The following DNAJC6 variants were observed in gnomAD, a reference collection of about 807,000 sequenced individuals.
DNAJC6 encodes the protein auxilin.
DNAJC6 carries 34 observed loss-of-function variants against 110.0 expected under a neutral mutation model. The ratio of observed to expected loss-of-function variants is 0.31; its 90% CI spans 0.24 to 0.41. The LOEUF (loss-of-function observed/expected upper bound fraction) is 0.41, where lower values mean the gene tolerates loss of function less well. Among genes scored for constraint, DNAJC6 ranks in the 10% least tolerant of loss-of-function variants. The probability of loss-of-function intolerance (pLI) is 1.00; values close to 1 mark genes in which losing one functional copy is unlikely to be tolerated. For missense variants in DNAJC6, 1,031 were observed against 1,207.8 expected, an observed-to-expected ratio of 0.85 and a Z score of 2.17; for synonymous variants, 406 against 437.2, an observed-to-expected ratio of 0.93 and a Z score of 0.89.
In DNAJC6 at chr1:65,328,735, C is replaced by T. The variant is rs17127511; in HGVS notation, c.193+18797C>T. On this transcript the variant is annotated intron_variant, in intron 1 of 18. Coordinates refer to ENST00000371069, the MANE Select transcript of DNAJC6 (RefSeq NM_001256864.2). The stretch of plus-strand genomic sequence containing the variant: ...TGCATCTGAGGCCATAATGGTGGAA[C>T]CTTAGAGTTGGGAAGGACTTAGCAG... Among the ~76,000 whole-genome samples, 541 of 152,236 alleles carry T rather than the reference C, an allele frequency of 3.6e-3. 4 individuals carry two copies. The highest frequency in any genetic ancestry group is 0.012 in the African/African-American group (514 of 41,536).
intron 1 of DNAJC6, among the ~76,000 whole-genome samples, chr1:65,345,016 C>T (rs945754218): frequency 1.3e-5 from 2 of 152,164 alleles, no homozygotes; most frequent in Non-Finnish European, 2.9e-5. Flanking sequence ...CCACCTCCAC[C>T]TCAAGTTGCC....
chr1:65,408,680 C>G lies in DNAJC6; in HGVS notation c.2531C>G (p.Ser844Cys), dbSNP rs947409137. Reference sequence around the variant, plus strand: ...GCAGCTGATTTTGAAGACCTACTCTCTGGTCAAGGTTTCAATGCTCACAAA... The same window carrying G: ...GCAGCTGATTTTGAAGACCTACTCTGTGGTCAAGGTTTCAATGCTCACAAA... ...QKAADFEDLLSGQGFNAHKDK... is the reference protein window; with the variant it reads ...QKAADFEDLLCGQGFNAHKDK... Residue 844 changes from serine to cysteine, a missense_variant, in exon 17 of 19, where the codon TCT (serine) becomes TGT (cysteine). Physicochemically the swap from Ser to Cys is moderately radical, Grantham distance 112. Transcript: ENST00000371069. 6.2e-7 allele frequency: 1 copy of G among 1,613,968 alleles called. No individual in the cohort carries two copies. Among genetic ancestry groups the G allele is most frequent in the African/African-American group, 1.3e-5 (1 of 75,022 alleles).
chr1:65,410,479 A>G (rs910178965), intron 17 of DNAJC6, among the ~76,000 whole-genome samples: 5 of 152,160 alleles, frequency 3.3e-5, no homozygotes, highest in African/African-American at 1.2e-4. Context: ...AAAGCTGTTT[A>G]TTTCATTTAA....
At chr1:65,267,536 A>G (rs750544374) in intron 1 of DNAJC6, among the ~76,000 whole-genome samples, 3 of 152,134 alleles carry the variant, frequency 2.0e-5, no homozygotes, top group Non-Finnish European at 2.9e-5. Context: ...ATGTGGGTAT[A>G]AGCCGTATTC....
At chr1:65,404,494 G>C (rs1646057145) in intron 15 of DNAJC6, among the ~76,000 whole-genome samples, 1 of 152,190 alleles carries the variant, frequency 6.6e-6, no homozygotes, top group South Asian at 2.1e-4. Flanking sequence ...TTAGTGCCCA[G>C]CATAGTACAT....
At chr1:65,349,730 A>ATTTTCTTTTTCT (rs71056102) in intron 1 of DNAJC6, among the ~76,000 whole-genome samples, 4 of 150,570 alleles carry the variant, frequency 2.7e-5, no homozygotes, top group African/African-American at 9.8e-5. Context: ...AGCTACTAAG[A>ATTTTCTTTTTCT]TTTTCTTTTT....
rs528656788 is a variant in DNAJC6, at chr1:65,309,817, T to C, written c.72T>C (p.Ser24=). The C allele has an allele frequency of 6.5e-6, 10 of 1,549,632 alleles. No individual in the cohort carries two copies. The African/African-American group carries it at 1.4e-4, about 21-fold the overall frequency. ...DGYESLQLVD[S]NGDLSAGSGG... ...ATGAATCTTTGCAGCTGGTGGACAG[T>C]AACGGGGACTTAAGTGCGGGAAGCG... The change falls in exon 1 of 19, where the codon AGT becomes AGC. Residue 24 remains serine, a synonymous_variant. Coordinates refer to ENST00000371069, the MANE Select transcript of DNAJC6 (RefSeq NM_001256864.2).
At position 65,385,880 on chromosome 1, in the gene DNAJC6, G is replaced by T; in HGVS notation, c.969G>T (p.Ser323=). 2 of 1,608,994 alleles carry T rather than the reference G, an allele frequency of 1.2e-6. No homozygotes were observed. Among genetic ancestry groups the T allele is most frequent in the South Asian group, 2.2e-5 (2 of 90,518 alleles). Residue 323 remains serine (S), a synonymous_variant, in exon 7 of 19, where the codon TCG becomes TCT. Transcript: ENST00000371069. ...DVLIGETKIY[S]TCTDFERMKE... ...TCATTGGAGAAACCAAAATATATTC[G>T]ACTTGCACAGATTTTGAACGAATGA...
At chr1:65,343,861 C>A (rs541550571) in intron 1 of DNAJC6, among the ~76,000 whole-genome samples, 24 of 152,244 alleles carry the variant, frequency 1.6e-4, no homozygotes, top group African/African-American at 5.8e-4. Context: ...GCCATTACAT[C>A]TCAGACGGCA....
chr1:65,377,574 G>A (rs115142118), intron 4 of DNAJC6, among the ~76,000 whole-genome samples: 1,638 of 152,252 alleles, frequency 0.011, 22 homozygotes, highest in African/African-American at 0.038. Flanking sequence ...TCTCCTAAAG[G>A]TATATGAAAG....
intron 4 of DNAJC6, among the ~76,000 whole-genome samples, chr1:65,371,489 T>A (rs1030138131): frequency 1.3e-5 from 2 of 152,174 alleles, no homozygotes; most frequent in African/African-American, 4.8e-5. Flanking sequence ...ACATTGGTAA[T>A]AATAAAATGC....
chr1:65,403,505 A>G (rs1646047876), intron 15 of DNAJC6, among the ~76,000 whole-genome samples: 1 of 152,232 alleles, frequency 6.6e-6, no homozygotes, highest in Non-Finnish European at 1.5e-5. Flanking sequence ...TCAGGATGTA[A>G]TAAAGAATCA....
At chr1:65,386,980 G>A (rs1341280478) in intron 8 of DNAJC6, 51 bp downstream of exon 8, 1 of 1,417,124 alleles carries the variant, frequency 7.1e-7, no homozygotes, top group Non-Finnish European at 1.0e-6. Flanking sequence ...TCTTCAATAG[G>A]AGTATTTCTG....
chr1:65,284,463 C>T (rs1189346997), intron 1 of DNAJC6, among the ~76,000 whole-genome samples: 1 of 152,158 alleles, frequency 6.6e-6, no homozygotes, highest in Non-Finnish European at 1.5e-5. Flanking sequence ...CTTAATGGAA[C>T]ACCCACACCT....
At chr1:65,380,943 C>T (rs1157286834) in intron 5 of DNAJC6, among the ~76,000 whole-genome samples, 27 of 88,484 alleles carry the variant, frequency 3.1e-4, no homozygotes, top group African/African-American at 8.4e-4. Context: ...TTTTTGGGAC[C>T]GAGTCTTGCT....
intron 1 of DNAJC6, among the ~76,000 whole-genome samples, chr1:65,292,003 GT>G (rs1253878235): frequency 6.6e-6 from 1 of 151,708 alleles, no homozygotes; most frequent in African/African-American, 2.4e-5. Flanking sequence ...CTTTACAAAT[GT>G]TTTTATTTTT....
In DNAJC6 at chr1:65,411,412, G is replaced by A. The variant is rs762930364; in HGVS notation, c.2797G>A (p.Val933Met). 2 of 1,613,818 alleles carry A rather than the reference G, an allele frequency of 1.2e-6. No individual in the cohort carries two copies. Among genetic ancestry groups the A allele is most frequent in the Middle Eastern group, 1.6e-4 (1 of 6,062 alleles). Residue 933 changes from valine to methionine, a missense_variant, in exon 18 of 19, where the codon GTG becomes ATG. Physicochemically the swap from Val to Met is conservative, Grantham distance 21. Transcript: ENST00000371069. Reference protein sequence around the residue: ...KKVYRKAVLVVHPDKATGQPY... With the variant: ...KKVYRKAVLVMHPDKATGQPY... ...GGTGTACAGGAAGGCTGTCCTGGTG[G>A]TGCACCCAGATAAAGTGGGTATAAC...
At chr1:65,362,132 G>A (rs1175005800) in intron 1 of DNAJC6, among the ~76,000 whole-genome samples, 1 of 152,236 alleles carries the variant, frequency 6.6e-6, no homozygotes, top group Non-Finnish European at 1.5e-5. Context: ...ATTAGGAGAA[G>A]AAAGTGGGAT....
At chr1:65,298,210 A>G (rs1488098889) in intron 1 of DNAJC6, among the ~76,000 whole-genome samples, 1 of 152,134 alleles carries the variant, frequency 6.6e-6, no homozygotes, top group Non-Finnish European at 1.5e-5. Context: ...TAGTTGGATG[A>G]TTACGTTACT....
Sources: allele counts gnomAD v4.1 joint callset (sites outside exome capture counted in the v4.1 genomes callset), GRCh38; gene constraint gnomAD v4.1.1; transcripts MANE v1.5; gene names NCBI Gene and HGNC (gene_info 2026-07-23, HGNC 2026-07-21).